ELN: variants seen among roughly 807,000 people sequenced by gnomAD.
ELN encodes tropoelastin.
In ELN, 65 loss-of-function variants were observed where a neutral mutation model predicts 105.8. The ratio of observed to expected loss-of-function variants is 0.61; its 90% confidence interval spans 0.50 to 0.75. The LOEUF is 0.75. ELN is among the 30% of genes least tolerant of loss of function. The pLI, the probability that ELN is intolerant of heterozygous loss-of-function variation, is 0.00. For synonymous variants in ELN, 368 were observed against 389.2 expected (o/e 0.95, Z 0.64); for missense variants, 882 against 969.4 (o/e 0.91, Z 1.20).
At chr7:74,046,601 A>G in intron 11 of ELN, 95 bp from the exon 12 acceptor site, 1 of 1,354,184 alleles carries the variant, frequency 7.4e-7, no homozygotes, top group Non-Finnish European at 1.1e-6. Flanking sequence ...TGGATGCTGT[A>G]GCAAGCTCCT....
rs557582551 is a variant in ELN at position 74,063,147 on chromosome 7, C to T, written c.1787-6C>T. On this transcript the variant is annotated splice_polypyrimidine_tract_variant and splice_region_variant and intron_variant, in intron 26 of 32. Transcript: ENST00000252034. This position sits in a 1 kb window ranked among gnomAD's most constrained non-coding sequence, Gnocchi z 4.1. The stretch of plus-strand genomic sequence containing the variant: ...GGAACACTCATTTTCCCTCCTCTCC[C>T]CGCAGGAGCAGCAGTGCCTGGGGTC... 13 of 1,603,410 alleles carry T rather than the reference C, an allele frequency of 8.1e-6. No homozygotes were observed. In the African/African-American group the frequency reaches 1.7e-4, roughly 21 times the overall value.
At chr7:74,048,354 G>A (rs1793064092) in intron 14 of ELN, 149 bp from the exon 15 acceptor site, 5 of 1,478,844 alleles carry the variant, frequency 3.4e-6, no homozygotes, top group Non-Finnish European at 4.7e-6. Context: ...GGGGAGGAGT[G>A]GGGCAGCTCC....
intron 12 of ELN, 148 bp from the exon 13 acceptor site, chr7:74,047,527 G>A: frequency 9.4e-7 from 1 of 1,058,232 alleles, no homozygotes; most frequent in Admixed American, 1.7e-5. Context: ...CCTTCACCCA[G>A]CGCCTTTGCT....
chr7:74,058,530 T>A (rs879954654), intron 22 of ELN, among the ~76,000 whole-genome samples: 4 of 151,928 alleles, frequency 2.6e-5, no homozygotes, highest in Non-Finnish European at 2.9e-5. Flanking sequence ...ATTTTTTAAT[T>A]TTTTTGTAGC....
intron 8 of ELN, chr7:74,043,540 C>A: frequency 1.5e-6 from 1 of 669,380 alleles, no homozygotes; most frequent in Non-Finnish European, 2.7e-6. Context: ...TTCTGCCCCA[C>A]CAAGCCCTTT....
chr7:74,035,780 T>TAA (rs144049843), intron 2 of ELN: 6 of 336,306 alleles, frequency 1.8e-5, no homozygotes, highest in East Asian at 1.5e-4. Flanking sequence ...GTATAGAAAT[T>TAA]AAAAAAAAAT....
At chr7:74,057,259 AAG>A (rs1363165034) in intron 21 of ELN, 1 of 811,450 alleles carries the variant, frequency 1.2e-6, no homozygotes, top group Non-Finnish European at 1.8e-6. Flanking sequence ...AAAAAAGAAA[AAG>A]AAAAAGAATT....
In ELN at chr7:74,057,466, C is replaced by T; in HGVS notation, c.1358-174C>T. On this transcript the variant is annotated intron_variant, in intron 21 of 32. Coordinates refer to ENST00000252034, the MANE Select transcript of ELN (RefSeq NM_000501.4). Reference sequence around the variant, plus strand: ...GGTGTGCCGGGCACGGGAGGAGTGCCAGGTGAGCTGTGTCTCCAGCCCAGA... The same window carrying T: ...GGTGTGCCGGGCACGGGAGGAGTGCTAGGTGAGCTGTGTCTCCAGCCCAGA... The T allele has an allele frequency of 6.4e-7, 1 of 1,555,094 alleles. No homozygotes were observed. The highest frequency in any genetic ancestry group is 8.7e-7 in the Non-Finnish European group (1 of 1,149,802).
chr7:74,043,602 A>G, intron 8 of ELN: 1 of 637,914 alleles, frequency 1.6e-6, no homozygotes, highest in South Asian at 1.8e-5. Flanking sequence ...CGCAGCAGGG[A>G]GGGACATCTG....
rs781952083 is a variant in ELN, at chr7:74,043,894, G to A, written c.443G>A (p.Gly148Asp). The A allele has an allele frequency of 2.5e-6, 4 of 1,614,006 alleles. No individual in the cohort carries two copies. The highest frequency in any genetic ancestry group is 4.5e-5 in the East Asian group (2 of 44,878). Residue 148 changes from glycine (G) to aspartate (D), a missense_variant, in exon 9 of 33, where the codon GGT (glycine) becomes GAT (aspartate). Transcript: ENST00000252034. ...TTGGCCACAGGTGTGGGGCTGCCAG[G>A]TGTATACCCAGGTGGCGTGCTCCCA... is the stretch of plus-strand genomic sequence containing the variant. ...PGKVPGVGLP[G>D]VYPGGVLPGA...
chr7:74,063,391 G>T lies in ELN; in HGVS notation c.1918+22G>T, dbSNP rs575814712. Reference sequence around the variant, plus strand: ...TTTGGTGAGCACTGGGTGGAGGTGGGAGCTGCCGCCAGGCCCCCAGGCCCC... The same window carrying T: ...TTTGGTGAGCACTGGGTGGAGGTGGTAGCTGCCGCCAGGCCCCCAGGCCCC... On this transcript the variant is annotated intron_variant, in intron 28 of 32. Transcript: ENST00000252034. The surrounding 1 kb of genome is among the most constrained non-coding windows in gnomAD (Gnocchi z 4.1). 1 of 1,544,342 alleles carries T rather than the reference G, an allele frequency of 6.5e-7. No individual in the cohort carries two copies. The highest frequency in any genetic ancestry group is 2.0e-5 in the Admixed American group (1 of 51,026).
intron 29 of ELN, among the ~76,000 whole-genome samples, chr7:74,065,150 G>C (rs1797662931): frequency 6.6e-6 from 1 of 152,174 alleles, no homozygotes; most frequent in East Asian, 1.9e-4. Context: ...TTGGGAGGCT[G>C]AGGCAGGAAG....
chr7:74,039,448 C>T (rs1294666842), intron 4 of ELN, among the ~76,000 whole-genome samples: 1 of 152,228 alleles, frequency 6.6e-6, no homozygotes, highest in Non-Finnish European at 1.5e-5. Context: ...GCTGCCAGGA[C>T]GTCTGGGCCT....
At chr7:74,053,023 T>G (rs562389729) in intron 17 of ELN, 140 bp from the exon 18 acceptor site, 7 of 1,222,004 alleles carry the variant, frequency 5.7e-6, no homozygotes, top group Non-Finnish European at 8.2e-6. Flanking sequence ...CTCTGATGAG[T>G]AGGATCCATG....
chr7:74,049,502 T>C (rs1000565254), intron 15 of ELN, among the ~76,000 whole-genome samples: 1 of 144,586 alleles, frequency 6.9e-6, no homozygotes, highest in Non-Finnish European at 1.5e-5. Flanking sequence ...TTCCCCCATA[T>C]ACCCATTCAT....
At chr7:74,045,337 A>C in intron 10 of ELN, 44 bp downstream of exon 10, 4 of 1,609,278 alleles carry the variant, frequency 2.5e-6, no homozygotes, top group Non-Finnish European at 3.4e-6. Flanking sequence ...GGGACTCTCC[A>C]ACCACCTTCT....
chr7:74,042,887 G>T, intron 6 of ELN, 97 bp from the exon 7 acceptor site: 1 of 1,603,200 alleles, frequency 6.2e-7, no homozygotes. Context: ...TTAGTAACGG[G>T]GCCAGACCTC....
chr7:74,043,496 G>A, intron 8 of ELN: 1 of 684,034 alleles, frequency 1.5e-6, no homozygotes, highest in South Asian at 1.5e-5. Context: ...AGCTGGGGGA[G>A]CCCCGTGTCC....
chr7:74,041,318 G>T, intron 5 of ELN, 67 bp downstream of exon 5: 2 of 1,599,782 alleles, frequency 1.3e-6, no homozygotes, highest in Non-Finnish European at 8.6e-7. Flanking sequence ...CCCAGGGCTG[G>T]TATGCAGCAC....
Sources: allele counts gnomAD v4.1 joint callset (sites outside exome capture counted in the v4.1 genomes callset), GRCh38; gene constraint gnomAD v4.1.1; non-coding constraint Gnocchi (gnomAD v3.1); transcripts MANE v1.5; gene names NCBI Gene and HGNC (gene_info 2026-07-23, HGNC 2026-07-21).